The following ARHGAP22 variants were observed in gnomAD, a reference collection of about 807,000 sequenced individuals.
The protein encoded by ARHGAP22 is Rho GTPase activating protein 22.
A neutral mutation model predicts 59.1 loss-of-function variants in ARHGAP22; 48 were observed. That is an observed-to-expected ratio of 0.81 (90% CI 0.64 to 1.03). The LOEUF (loss-of-function observed/expected upper bound fraction) is 1.03, where lower values mean the gene tolerates loss of function less well. Ranked by LOEUF, ARHGAP22 falls within the 50% of genes least tolerant of loss-of-function variation. The pLI, the probability that ARHGAP22 is intolerant of heterozygous loss-of-function variation, is 0.00. For missense variants in ARHGAP22, 1,015 were observed against 958.7 expected (o/e 1.06, Z -0.78); for synonymous variants, 445 against 416.4 (o/e 1.07, Z -0.84).
At chr10:48,543,897 C>A (rs551940642) in intron 3 of ARHGAP22, among the ~76,000 whole-genome samples, 4 of 152,040 alleles carry the variant, frequency 2.6e-5, no homozygotes, top group African/African-American at 7.2e-5. Flanking sequence ...CAAGGTGGGC[C>A]GATTGCCTGA....
chr10:48,532,796 G>T (rs940774229), intron 3 of ARHGAP22: 5 of 152,048 alleles, frequency 3.3e-5, no homozygotes, highest in African/African-American at 1.2e-4. Flanking sequence ...CTTCATCCAT[G>T]TCCCTACAAA....
chr10:48,604,510 G>A (rs2060566954), intron 1 of ARHGAP22, among the ~76,000 whole-genome samples: 1 of 152,236 alleles, frequency 6.6e-6, no homozygotes. Context: ...TGTGGAATGT[G>A]GGGCGAAGTG....
At chr10:48,462,686 G>A (rs555256517) in intron 4 of ARHGAP22, among the ~76,000 whole-genome samples, 31 of 152,348 alleles carry the variant, frequency 2.0e-4, no homozygotes, top group African/African-American at 5.5e-4. Flanking sequence ...ATACTAACAC[G>A]AAGGGAAAGC....
At chr10:48,467,394 G>C (rs567733716) in intron 4 of ARHGAP22, among the ~76,000 whole-genome samples, 1 of 152,176 alleles carries the variant, frequency 6.6e-6, no homozygotes, top group Admixed American at 6.5e-5. Context: ...GAGAGGCACG[G>C]CTAGGGGCAA....
intron 2 of ARHGAP22, among the ~76,000 whole-genome samples, chr10:48,579,291 A>C (rs915526889): frequency 6.6e-6 from 1 of 152,242 alleles, no homozygotes; most frequent in Non-Finnish European, 1.5e-5. Flanking sequence ...AGTTCCCAAC[A>C]GTGGAAATAG....
chr10:48,539,960 C>A, intron 3 of ARHGAP22, among the ~76,000 whole-genome samples: 1 of 152,202 alleles, frequency 6.6e-6, no homozygotes, highest in South Asian at 2.1e-4. Flanking sequence ...CTACATGGAA[C>A]TACTTTTGTC....
At chr10:48,599,898 G>A (rs538099475) in intron 1 of ARHGAP22, among the ~76,000 whole-genome samples, 250 of 152,178 alleles carry the variant, frequency 1.6e-3, no homozygotes, top group Non-Finnish European at 3.1e-3. Context: ...GACAGGATCT[G>A]ACAGCTTTGT....
the ARHGAP22 span, among the ~76,000 whole-genome samples, chr10:48,433,161 G>A: frequency 6.6e-6 from 1 of 152,180 alleles, no homozygotes; most frequent in Non-Finnish European, 1.5e-5. Context: ...AGATATTTGA[G>A]AATTTACTGT....
intron 3 of ARHGAP22, among the ~76,000 whole-genome samples, chr10:48,509,423 G>A (rs1450666655): frequency 6.6e-6 from 1 of 152,246 alleles, no homozygotes; most frequent in Non-Finnish European, 1.5e-5. Flanking sequence ...ACCATCGATG[G>A]CTGTGCAGAC....
In ARHGAP22 at chr10:48,482,567, A is replaced by C. The variant is rs2049431537; in HGVS notation, c.323-2803T>G. The stretch of plus-strand genomic sequence containing the variant: ...CAAAAGCATTCGGCTTTTCACCATT[A>C]AGTCTATCTGCTATAGGCTGTTTGA... On this transcript the variant is annotated intron_variant, in intron 3 of 9. Transcript: ENST00000249601. Among the ~76,000 whole-genome samples, 3 of 152,226 alleles carry C rather than the reference A, an allele frequency of 2.0e-5. No individual in the cohort carries two copies. In the East Asian group the frequency reaches 5.8e-4, roughly 29 times the overall value.
chr10:48,637,023 C>T (rs1333993689), intron 1 of ARHGAP22, among the ~76,000 whole-genome samples: 2 of 152,148 alleles, frequency 1.3e-5, no homozygotes, highest in Admixed American at 1.3e-4. Flanking sequence ...GCGTGAAGGG[C>T]CAGAATGGGT....
At chr10:48,630,153 G>A (rs1289384469) in intron 1 of ARHGAP22, among the ~76,000 whole-genome samples, 2 of 152,052 alleles carry the variant, frequency 1.3e-5, no homozygotes, top group Non-Finnish European at 1.5e-5. Context: ...GTGCAGTGGC[G>A]CTATCTCAGC....
chr10:48,577,203 G>A (rs546336060), intron 2 of ARHGAP22, among the ~76,000 whole-genome samples: 8 of 152,146 alleles, frequency 5.3e-5, no homozygotes, highest in Non-Finnish European at 8.8e-5. Context: ...TCTGGGGATC[G>A]GTTCCTCCTC....
At chr10:48,441,451 A>AT (rs35254382), downstream of ARHGAP22, among the ~76,000 whole-genome samples, 18,302 of 131,948 alleles carry the variant, frequency 0.14, 2,095 homozygotes, top group African/African-American at 0.28. Flanking sequence ...AACCAAAGGC[A>AT]TTTTTTTTTT....
intron 3 of ARHGAP22, among the ~76,000 whole-genome samples, chr10:48,513,137 A>C (rs890713668): frequency 6.6e-6 from 1 of 152,174 alleles, no homozygotes; most frequent in South Asian, 2.1e-4. Context: ...GCAGGAAAAG[A>C]TCTAATTCCA....
At chr10:48,651,513 C>A (rs1317744712) in intron 1 of ARHGAP22, among the ~76,000 whole-genome samples, 1 of 151,576 alleles carries the variant, frequency 6.6e-6, no homozygotes, top group Non-Finnish European at 1.5e-5. Flanking sequence ...CCTGCACAAT[C>A]CACCCAATCA....
At chr10:48,531,051 G>T (rs1375318631) in intron 3 of ARHGAP22, among the ~76,000 whole-genome samples, 1 of 152,124 alleles carries the variant, frequency 6.6e-6, no homozygotes, top group Non-Finnish European at 1.5e-5. Flanking sequence ...AGTGGATAAA[G>T]AAAATGTAGT....
In ARHGAP22 at chr10:48,454,080, C is replaced by A; in HGVS notation, c.866+8G>T. ...GAAAGTGTGGTTCCCTCCTGCCAAG[C>A]CGCTTACTTGCAGATGTATCTGAGC... is the stretch of plus-strand genomic sequence containing the variant. On this transcript the variant is annotated splice_region_variant and intron_variant, in intron 7 of 9. Transcript: ENST00000249601. 1 of 1,613,722 alleles carries A rather than the reference C, an allele frequency of 6.2e-7. No homozygotes were observed. Among genetic ancestry groups the A allele is most frequent in the Non-Finnish European group, 8.5e-7 (1 of 1,179,726 alleles).
chr10:48,519,421 C>T (rs2053598591), intron 3 of ARHGAP22, among the ~76,000 whole-genome samples: 1 of 152,252 alleles, frequency 6.6e-6, no homozygotes, highest in Non-Finnish European at 1.5e-5. Context: ...CAGAGCTCAT[C>T]TATTACAATG....
Sources: gnomAD v4.1 joint callset for allele counts (sites outside exome capture counted in the v4.1 genomes callset) on GRCh38, gnomAD v4.1.1 for gene constraint, MANE v1.5 for transcripts, NCBI Gene and HGNC (gene_info 2026-07-23, HGNC 2026-07-21) for gene names.